Variants in TPR observed in about 807,000 individuals in gnomAD.
The protein encoded by TPR is translocated promoter region, nuclear basket protein, also known as nucleoprotein TPR.
A neutral mutation model predicts 316.1 loss-of-function variants in TPR; 51 were observed. The observed-to-expected ratio is 0.16, with a 90% CI of 0.13 to 0.20. The LOEUF (loss-of-function observed/expected upper bound fraction) is 0.20. Ranked by LOEUF, TPR falls within the 10% of genes least tolerant of loss-of-function variation. TPR has a pLI of 1.00. For missense variants in TPR, 2,272 were observed against 2,754.8 expected (o/e 0.82, Z 3.92); for synonymous variants, 981 against 914.7 (o/e 1.07, Z -1.31).
intron 3 of TPR, 23 bp downstream of exon 3, chr1:186,370,947 T>G (rs1175133521): frequency 2.2e-5 from 35 of 1,592,526 alleles, no homozygotes; most frequent in Non-Finnish European, 3.0e-5. Flanking sequence ...TACAATGAGC[T>G]TATTCTAAGA....
chr1:186,366,487 G>A (rs1659346281), intron 4 of TPR, among the ~76,000 whole-genome samples: 1 of 152,080 alleles, frequency 6.6e-6, no homozygotes, highest in Non-Finnish European at 1.5e-5. Flanking sequence ...TAAGTTTTTG[G>A]GGAGTCAAAA....
chr1:186,350,281 C>T lies in TPR; in HGVS notation c.2718G>A (p.Gln906=), dbSNP rs764691932. The T allele has an allele frequency of 1.9e-6, 3 of 1,613,636 alleles. No individual in the cohort carries two copies. ...CTTGGACTTCCATATTACTGAGGTG[C>T]TGTTTCAATGTGGCAATTTCTTTTT... ...NAQKEIATLK[Q]HLSNMEVQVA... The change falls in exon 21 of 51, where the codon CAG becomes CAA. Residue 906 remains glutamine, a synonymous_variant. Coordinates refer to ENST00000367478, the MANE Select transcript of TPR (RefSeq NM_003292.3).
intron 34 of TPR, 47 bp downstream of exon 34, chr1:186,335,291 T>C (rs1382075840): frequency 2.5e-6 from 4 of 1,599,322 alleles, no homozygotes; most frequent in South Asian, 2.3e-5. Context: ...TCAAGTAAAA[T>C]GTACAAAGAA....
chr1:186,330,198 G>T (rs1212146392), intron 39 of TPR, among the ~76,000 whole-genome samples: 1 of 152,064 alleles, frequency 6.6e-6, no homozygotes, highest in East Asian at 1.9e-4. Flanking sequence ...CGTAGGTCAA[G>T]GGTTCAGGGC....
chr1:186,373,248 G>A, intron 2 of TPR, 111 bp downstream of exon 2: 1 of 647,626 alleles, frequency 1.5e-6, no homozygotes, highest in Non-Finnish European at 2.5e-6. Flanking sequence ...AACCAATGAT[G>A]CTTAATCAAT....
At chr1:186,368,476 G>T (rs769111445) in intron 3 of TPR, among the ~76,000 whole-genome samples, 28 of 152,148 alleles carry the variant, frequency 1.8e-4, no homozygotes, top group Admixed American at 2.6e-4. Context: ...CAGACATGGT[G>T]GCACATGCCT....
chr1:186,367,779 C>T (rs1453938589), intron 4 of TPR, 107 bp downstream of exon 4: 6 of 694,722 alleles, frequency 8.6e-6, no homozygotes, highest in Non-Finnish European at 1.4e-5. Context: ...TATACTCAAC[C>T]ATAACAAAAA....
intron 4 of TPR, among the ~76,000 whole-genome samples, chr1:186,364,687 T>A (rs76362877): frequency 0.045 from 6,899 of 152,262 alleles, 512 homozygotes; most frequent in African/African-American, 0.16. Flanking sequence ...TCAACAAAAC[T>A]GAAGAAGCAG....
chr1:186,338,488 G>A (rs1658406567), intron 30 of TPR, among the ~76,000 whole-genome samples: 1 of 152,224 alleles, frequency 6.6e-6, no homozygotes, highest in East Asian at 1.9e-4. Flanking sequence ...CAAGTAACAT[G>A]CGCAATTTTA....
chr1:186,349,836 A>G (rs1571624559), intron 21 of TPR, among the ~76,000 whole-genome samples: 1 of 152,184 alleles, frequency 6.6e-6, no homozygotes, highest in East Asian at 1.9e-4. Context: ...GGAGATCACA[A>G]ATCAACTCAT....
chr1:186,337,971 G>T, intron 31 of TPR, 62 bp downstream of exon 31: 1 of 1,348,640 alleles, frequency 7.4e-7, no homozygotes, highest in Non-Finnish European at 1.0e-6. Flanking sequence ...AAATTACAAA[G>T]AAATAAGATT....
intron 22 of TPR, 81 bp downstream of exon 22, chr1:186,347,211 T>G (rs1658708996): frequency 2.1e-5 from 32 of 1,494,824 alleles, no homozygotes; most frequent in Non-Finnish European, 2.9e-5. Flanking sequence ...ACGAGTGCCT[T>G]AAAAAAGCAG....
At chr1:186,314,081 T>C in intron 50 of TPR, 55 bp from the exon 51 acceptor site, 1 of 1,496,408 alleles carries the variant, frequency 6.7e-7, no homozygotes, top group Admixed American at 1.7e-5. Context: ...TCAAAACTAG[T>C]GTATTCACTT....
At chr1:186,337,968 A>G in intron 31 of TPR, 65 bp downstream of exon 31, 1 of 1,342,788 alleles carries the variant, frequency 7.4e-7, no homozygotes, top group East Asian at 2.4e-5. Context: ...TCAAAATTAC[A>G]AAGAAATAAG....
At chr1:186,315,847 G>A (rs1293406116) in intron 49 of TPR, among the ~76,000 whole-genome samples, 1 of 147,672 alleles carries the variant, frequency 6.8e-6, no homozygotes, top group Non-Finnish European at 1.5e-5. Context: ...TTATGGACTT[G>A]GCATCTATTA....
At chr1:186,363,251 TAATTA>T in intron 5 of TPR, 86 bp downstream of exon 5, 2 of 1,144,176 alleles carry the variant, frequency 1.7e-6, no homozygotes. Flanking sequence ...ATGCAGCTTT[TAATTA>T]CTTTATTGCC....
Position 186,337,147 on chromosome 1 carries a change from T to A in TPR, c.4372A>T (p.Thr1458Ser), listed in dbSNP as rs926721898. 1.9e-6 allele frequency: 3 copies of A among 1,613,426 alleles called. No homozygotes were observed. Among genetic ancestry groups the A allele is most frequent in the African/African-American group, 1.3e-5 (1 of 74,894 alleles). The change falls in exon 32 of 51, where the codon ACA becomes TCA. Residue 1458 changes from threonine (T) to serine (S), a missense_variant. By Grantham distance (58) the Thr-to-Ser change is moderately conservative (BLOSUM62 1). Coordinates refer to ENST00000367478, the MANE Select transcript of TPR (RefSeq NM_003292.3). Reference sequence around the variant, plus strand: ...TGGTCTCCAGAGGACTGAGCCGATGTCTCCATAACCTAAGACAACAAACAG... The same window carrying A: ...TGGTCTCCAGAGGACTGAGCCGATGACTCCATAACCTAAGACAACAAACAG... ...LKAQQDKVME[T>S]SAQSSGDHQE...
At position 186,375,146 on chromosome 1, in the gene TPR, C is replaced by T; in HGVS notation, c.-118G>A. On this transcript the variant is annotated 5_prime_UTR_variant, in exon 1 of 51. Coordinates refer to ENST00000367478, the MANE Select transcript of TPR (RefSeq NM_003292.3). The stretch of plus-strand genomic sequence containing the variant: ...CCGCCTCTATCACCTCGCTCGGTGG[C>T]TCGCGCGCGCCCGCCCGCCGGAGAC... The T allele has an allele frequency of 6.5e-7, 1 of 1,548,296 alleles. No homozygotes were observed. The highest frequency in any genetic ancestry group is 8.7e-7 in the Non-Finnish European group (1 of 1,146,460).
chr1:186,368,834 C>A (rs1659420756), intron 3 of TPR, among the ~76,000 whole-genome samples: 2 of 152,132 alleles, frequency 1.3e-5, no homozygotes, highest in African/African-American at 4.8e-5. Context: ...AGGCCAATGT[C>A]AAGAACCTTT....
Sources: allele counts gnomAD v4.1 joint callset (sites outside exome capture counted in the v4.1 genomes callset), GRCh38; gene constraint gnomAD v4.1.1; transcripts MANE v1.5; gene names NCBI Gene and HGNC (gene_info 2026-07-23, HGNC 2026-07-21).